The following FLRT2 variants were observed in gnomAD, a reference collection of about 807,000 sequenced individuals.
The protein encoded by FLRT2 is leucine-rich repeat transmembrane protein FLRT2.
A neutral mutation model predicts 40.0 loss-of-function variants in FLRT2; 15 were observed. That is an observed-to-expected ratio of 0.38 (90% CI 0.25 to 0.58). The LOEUF is 0.58. FLRT2 is among the 20% of genes least tolerant of loss of function. The probability of loss-of-function intolerance (pLI) is 0.71; values close to 1 mark genes in which losing one functional copy is unlikely to be tolerated. For missense variants in FLRT2, 726 were observed against 840.0 expected (o/e 0.86, Z 1.68); for synonymous variants, 380 against 336.8 (o/e 1.13, Z -1.41).
chr14:85,557,043 A>G (rs1890008135), intron 1 of FLRT2, among the ~76,000 whole-genome samples: 1 of 152,180 alleles, frequency 6.6e-6, no homozygotes, highest in South Asian at 2.1e-4. Flanking sequence ...CACTACCACA[A>G]GAACAGTATG....
chr14:85,593,574 TA>T (rs1892001159), intron 1 of FLRT2, among the ~76,000 whole-genome samples: 1 of 152,192 alleles, frequency 6.6e-6, no homozygotes, highest in Admixed American at 6.5e-5. Flanking sequence ...GTTGGGTATT[TA>T]AAGTCTATCT....
chr14:85,570,210 G>C (rs561967704), intron 1 of FLRT2, among the ~76,000 whole-genome samples: 2 of 152,268 alleles, frequency 1.3e-5, no homozygotes, highest in East Asian at 3.9e-4. Flanking sequence ...GAATATTAAA[G>C]ATAGAAGACC....
chr14:85,604,384 T>C lies in FLRT2; in HGVS notation c.-376-16755T>C, dbSNP rs549177985. Among the ~76,000 whole-genome samples, 106 of 152,316 alleles carry C rather than the reference T, an allele frequency of 7.0e-4. 1 individual carries two copies. Among genetic ancestry groups the C allele is most frequent in the African/African-American group, 2.5e-3 (102 of 41,576 alleles). On this transcript the variant is annotated intron_variant, in intron 1 of 1. Transcript: ENST00000330753. ...CCTGGTAATCGCCAATGTGCTCATT[T>C]TATTTACGTGACTAGATTACCAATT...
intron 1 of FLRT2, among the ~76,000 whole-genome samples, chr14:85,588,226 C>T (rs10133569): frequency 0.38 from 58,082 of 151,920 alleles, 13,087 homozygotes; most frequent in African/African-American, 0.63. Context: ...CTTCTCCTCA[C>T]ATCTTGTTAA....
In FLRT2 at chr14:85,649,846, T is replaced by A. The variant is rs1894391205; in HGVS notation, c.*26349T>A. 1 of 152,088 alleles carries A rather than the reference T, an allele frequency of 6.6e-6. No individual in the cohort carries two copies. The highest frequency in any genetic ancestry group is 2.4e-5 in the African/African-American group (1 of 41,440). 9.4% of individuals were successfully genotyped at this position (152,088 alleles called of 1,614,324 possible). On this transcript the variant is annotated 3_prime_UTR_variant, in exon 2 of 2. Coordinates refer to ENST00000330753, the MANE Select transcript of FLRT2 (RefSeq NM_013231.6). ...TTTTTTAATGTACATCTTATACACA[T>A]AAAATACTTTCTCATATTCTGAAGA...
rs1442797668 is a variant in FLRT2, at chr14:85,634,024, TC to T, written c.*10528del. ...CCTGTCATGTGGTTACTTTTTGCAA[TC>T]GATATCATTATTAAGTTTGGAAGCT... On this transcript the variant is annotated 3_prime_UTR_variant, in exon 2 of 2. Coordinates refer to ENST00000330753, the MANE Select transcript of FLRT2 (RefSeq NM_013231.6). 6.6e-6 allele frequency: 1 copy of T among 152,088 alleles called. No homozygotes were observed. The highest frequency in any genetic ancestry group is 2.4e-5 in the African/African-American group (1 of 41,404). The allele number at this position is 152,088 out of a possible 1,614,324, so 9.4% of individuals were successfully genotyped here.
In FLRT2 at chr14:85,637,309, G is replaced by A. The variant is rs1894033905; in HGVS notation, c.*13812G>A. 6.6e-6 allele frequency: 1 copy of A among 152,138 alleles called. No homozygotes were observed. The highest frequency in any genetic ancestry group is 6.5e-5 in the Admixed American group (1 of 15,270). 9.4% of individuals were successfully genotyped at this position (152,138 alleles called of 1,614,324 possible). A position where few individuals can be genotyped will look rare whatever the true frequency, so the allele number is the denominator to read the frequency against. The stretch of plus-strand genomic sequence containing the variant: ...ATAAGAATCACCATGGCATAGACAT[G>A]GTAGGAAAAGCATTAGCTTTGGCGT... On this transcript the variant is annotated 3_prime_UTR_variant, in exon 2 of 2. Transcript: ENST00000330753.
rs1424677263 is a variant in FLRT2, at chr14:85,643,349, TTCTTTC to T, written c.*19854_*19859del. ...TTTCTTTCTTTCTTTCTTTCTTTCTTTCTTTCTTCCTTCCTTCCTTCCTTCCTTTCT... is the reference window on the plus strand; with the variant it reads ...TTTCTTTCTTTCTTTCTTTCTTTCTTTTCCTTCCTTCCTTCCTTCCTTTCT... On this transcript the variant is annotated 3_prime_UTR_variant, in exon 2 of 2. Coordinates refer to ENST00000330753, the MANE Select transcript of FLRT2 (RefSeq NM_013231.6). 1.7e-5 allele frequency: 1 copy of T among 60,558 alleles called. No individual in the cohort carries two copies. Among genetic ancestry groups the T allele is most frequent in the African/African-American group, 5.1e-5 (1 of 19,664 alleles). The allele number at this position is 60,558 out of a possible 1,614,324, so 3.8% of individuals were successfully genotyped here. A position where few individuals can be genotyped will look rare whatever the true frequency, so the allele number is the denominator to read the frequency against.
intron 1 of FLRT2, among the ~76,000 whole-genome samples, chr14:85,609,895 G>C (rs1474705143): frequency 1.3e-5 from 2 of 152,132 alleles, no homozygotes; most frequent in African/African-American, 4.8e-5. Flanking sequence ...TGTTTGCCAG[G>C]CTGTGCACAG....
chr14:85,624,087 G>A lies in FLRT2; in HGVS notation c.*590G>A, dbSNP rs1893558714. 6.0e-6 allele frequency: 1 copy of A among 167,110 alleles called. No homozygotes were observed. Among genetic ancestry groups the A allele is most frequent in the African/African-American group, 2.4e-5 (1 of 41,460 alleles). The allele number at this position is 167,110 out of a possible 1,614,324, so 10.4% of individuals were successfully genotyped here. On this transcript the variant is annotated 3_prime_UTR_variant, in exon 2 of 2. Transcript: ENST00000330753. ...GAGGAAGCCGGTTCCCGTGAGATAA[G>A]TTAACCCGGCCTGACAGAATCAAGA...
chr14:85,570,877 G>T (rs1000727484), intron 1 of FLRT2, among the ~76,000 whole-genome samples: 4 of 147,418 alleles, frequency 2.7e-5, no homozygotes, highest in Admixed American at 6.8e-5. Context: ...GAGCCACCAC[G>T]CCCGGCCAAA....
chr14:85,574,285 A>G (rs1329243087), intron 1 of FLRT2, among the ~76,000 whole-genome samples: 2 of 151,358 alleles, frequency 1.3e-5, no homozygotes, highest in Non-Finnish European at 2.9e-5. Flanking sequence ...TATTTAATAC[A>G]TAAGAATAGA....
chr14:85,623,254 C>G lies in FLRT2; in HGVS notation c.1740C>G (p.Asn580Lys), dbSNP rs548161753. ...ACACCTCCCAGAAGTGGAAATACAA[C>G]CGGGGCCGGCGGAAAGATGATTATT... ...GRYTSQKWKY[N>K]RGRRKDDYCE... The change falls in exon 2 of 2, where the codon AAC becomes AAG. Residue 580 changes from asparagine (N) to lysine (K), a missense_variant. Physicochemically the swap from Asn to Lys is moderately conservative, Grantham distance 94. Around this residue, in one of 3 missense-constraint regions of FLRT2, gnomAD observed 611 missense variants for 690.0 expected, o/e 0.89. Coordinates refer to ENST00000330753, the MANE Select transcript of FLRT2 (RefSeq NM_013231.6). 1 of 1,516,260 alleles carries G rather than the reference C, an allele frequency of 6.6e-7. No individual in the cohort carries two copies. The highest frequency in any genetic ancestry group is 8.8e-7 in the Non-Finnish European group (1 of 1,132,730). The allele number at this position is 1,516,260 out of a possible 1,614,324, so 93.9% of individuals were successfully genotyped here.
In FLRT2 at chr14:85,621,467, T is replaced by A; in HGVS notation, c.-48T>A. ...TTGATTTTGCTGTTTATTTTTTTTT[T>A]CTTTTTCTTTTTCCCACCACATTGT... is the stretch of plus-strand genomic sequence containing the variant. On this transcript the variant is annotated 5_prime_UTR_variant, in exon 2 of 2. Transcript: ENST00000330753. 6.7e-7 allele frequency: 1 copy of A among 1,500,096 alleles called. No individual in the cohort carries two copies. The highest frequency in any genetic ancestry group is 9.0e-7 in the Non-Finnish European group (1 of 1,115,666). 92.9% of individuals were successfully genotyped at this position (1,500,096 alleles called of 1,614,324 possible).
intron 1 of FLRT2, among the ~76,000 whole-genome samples, chr14:85,533,378 CA>C (rs1193847365): frequency 6.6e-6 from 1 of 151,956 alleles, no homozygotes; most frequent in African/African-American, 2.4e-5. Flanking sequence ...CCTCCAGACC[CA>C]CGCCGGGCGG....
At chr14:85,575,352 A>T (rs1891083559) in intron 1 of FLRT2, among the ~76,000 whole-genome samples, 1 of 151,780 alleles carries the variant, frequency 6.6e-6, no homozygotes, top group African/African-American at 2.4e-5. Context: ...TTTTTTGCAA[A>T]CTCAAAAATA....
At chr14:85,570,218 A>G (rs1018557219) in intron 1 of FLRT2, among the ~76,000 whole-genome samples, 1 of 152,148 alleles carries the variant, frequency 6.6e-6, no homozygotes, top group Non-Finnish European at 1.5e-5. Context: ...AAGATAGAAG[A>G]CCTTGGTTTT....
intron 1 of FLRT2, among the ~76,000 whole-genome samples, chr14:85,605,644 C>G (rs1043903504): frequency 6.6e-6 from 1 of 152,044 alleles, no homozygotes; most frequent in Non-Finnish European, 1.5e-5. Flanking sequence ...GTGGCGGGCA[C>G]CTGTAGTCCC....
Position 85,637,242 on chromosome 14 carries a change from C to T in FLRT2, c.*13745C>T, listed in dbSNP as rs1219795548. ...TAACAAGTAGTTGAAAATATTATCCCTCTAAGTATTAGAAAGTTAAACTGC... is the reference window on the plus strand; with the variant it reads ...TAACAAGTAGTTGAAAATATTATCCTTCTAAGTATTAGAAAGTTAAACTGC... On this transcript the variant is annotated 3_prime_UTR_variant, in exon 2 of 2. Transcript: ENST00000330753. 3 of 152,098 alleles carry T rather than the reference C, an allele frequency of 2.0e-5. No homozygotes were observed. The highest frequency in any genetic ancestry group is 6.5e-5 in the Admixed American group (1 of 15,268). The allele number at this position is 152,098 out of a possible 1,614,324, so 9.4% of individuals were successfully genotyped here.
Sources: allele counts gnomAD v4.1 joint callset (sites outside exome capture counted in the v4.1 genomes callset), GRCh38; gene constraint gnomAD v4.1.1; regional missense constraint gnomAD v4.1.1; transcripts MANE v1.5; gene names NCBI Gene and HGNC (gene_info 2026-07-23, HGNC 2026-07-21).